Variants in GRID1 observed in about 807,000 individuals in gnomAD.
GRID1 encodes the protein glutamate ionotropic receptor delta type subunit 1, also known as glutamate receptor ionotropic, delta-1.
Under a neutral mutation model 98.0 loss-of-function variants are expected in GRID1, and 28 were observed. That is an observed-to-expected ratio of 0.29 (90% CI 0.21 to 0.39). The LOEUF (loss-of-function observed/expected upper bound fraction) is 0.39. Among genes scored for constraint, GRID1 ranks in the 10% least tolerant of loss-of-function variants. The pLI is 1.00. For missense variants in GRID1, 1,111 were observed against 1,340.5 expected (o/e 0.83, Z 2.67); for synonymous variants, 553 against 538.5 (o/e 1.03, Z -0.37).
chr10:85,879,683 T>C (rs1481109321), intron 5 of GRID1, among the ~76,000 whole-genome samples: 1 of 151,904 alleles, frequency 6.6e-6, no homozygotes, highest in Admixed American at 6.6e-5. Flanking sequence ...AGATCCAAAA[T>C]TGACACCCTA....
intron 12 of GRID1, among the ~76,000 whole-genome samples, chr10:85,700,439 G>T (rs911917944): frequency 6.6e-6 from 1 of 152,092 alleles, no homozygotes; most frequent in African/African-American, 2.4e-5. Flanking sequence ...GAGCCTCTGG[G>T]CCAAATATGA....
intron 12 of GRID1, among the ~76,000 whole-genome samples, chr10:85,699,498 A>G (rs2132620514): frequency 6.6e-6 from 1 of 152,316 alleles, no homozygotes; most frequent in South Asian, 2.1e-4. Flanking sequence ...AAATTTTAAT[A>G]AATTCCAACT....
chr10:86,105,609 G>C (rs747104557), intron 4 of GRID1, among the ~76,000 whole-genome samples: 53 of 152,262 alleles, frequency 3.5e-4, no homozygotes, highest in East Asian at 1.9e-4. Flanking sequence ...GCAGTGTCCG[G>C]GGCACACGGA....
chr10:85,714,509 A>G (rs975203992), intron 12 of GRID1, among the ~76,000 whole-genome samples: 8 of 152,116 alleles, frequency 5.3e-5, no homozygotes, highest in Admixed American at 5.2e-4. Context: ...CCTTGACCTC[A>G]CCAAACAAAT....
intron 3 of GRID1, among the ~76,000 whole-genome samples, chr10:86,169,534 C>T (rs1845451870): frequency 6.6e-6 from 1 of 152,144 alleles, no homozygotes; most frequent in Non-Finnish European, 1.5e-5. Flanking sequence ...AGGGATGCTG[C>T]CAAGGAGAAA....
chr10:86,004,727 T>TACAAACACACACTC (rs1554845793), intron 4 of GRID1, among the ~76,000 whole-genome samples: 1 of 76,726 alleles, frequency 1.3e-5, no homozygotes. Context: ...TCTCTCTTTC[T>TACAAACACACACTC]ACACACACAC....
intron 2 of GRID1, among the ~76,000 whole-genome samples, chr10:86,247,259 A>AGATG (rs71016126): frequency 0.63 from 88,226 of 139,330 alleles, 28,373 homozygotes; most frequent in Non-Finnish European, 0.69. Flanking sequence ...ATGGATGGAT[A>AGATG]GATGGATGGA....
At position 85,886,557 on chromosome 10, in the gene GRID1, T is replaced by C. The variant is rs143927845; in HGVS notation, c.781-17377A>G. On this transcript the variant is annotated intron_variant, in intron 5 of 15. Coordinates refer to ENST00000327946, the MANE Select transcript of GRID1 (RefSeq NM_017551.3). ...GATCTCAAATATGGCAAAATTTCAATGATGGACATGTGGGTGTTTGTTATA... is the reference window on the plus strand; with the variant it reads ...GATCTCAAATATGGCAAAATTTCAACGATGGACATGTGGGTGTTTGTTATA... Among the ~76,000 whole-genome samples the C allele has an allele frequency of 4.2e-3, 642 of 152,312 alleles. 7 individuals carry two copies. Among genetic ancestry groups the C allele is most frequent in the African/African-American group, 0.014 (567 of 41,568 alleles).
chr10:85,695,941 C>T (rs1841388454), intron 12 of GRID1, among the ~76,000 whole-genome samples: 1 of 152,066 alleles, frequency 6.6e-6, no homozygotes, highest in Non-Finnish European at 1.5e-5. Context: ...TGTCACCTCC[C>T]AAGGGTGTTT....
chr10:86,200,878 A>C (rs1277657024), intron 3 of GRID1, among the ~76,000 whole-genome samples: 1 of 152,188 alleles, frequency 6.6e-6, no homozygotes, highest in African/African-American at 2.4e-5. Flanking sequence ...ATCAAAATAA[A>C]ATTACATTTT....
chr10:86,046,397 C>G (rs879620600), intron 4 of GRID1, among the ~76,000 whole-genome samples: 2 of 152,192 alleles, frequency 1.3e-5, no homozygotes, highest in Non-Finnish European at 1.5e-5. Flanking sequence ...ACCCTACCAC[C>G]AGCTCGCCCT....
At position 85,610,346 on chromosome 10, in the gene GRID1, A is replaced by C. The variant is rs115894835; in HGVS notation, c.2601+3061T>G. 2.3e-3 allele frequency among the ~76,000 whole-genome samples: 345 copies of C among 152,254 alleles called. 2 individuals carry two copies. The highest frequency in any genetic ancestry group is 8.1e-3 in the African/African-American group (335 of 41,558). On this transcript the variant is annotated intron_variant, in intron 15 of 15. Transcript: ENST00000327946. ...TCAGTCTGGCATTTAAGTCCTTCGGAGCAGGCCCCGTATCCTTCCCCAGCC... is the reference window on the plus strand; with the variant it reads ...TCAGTCTGGCATTTAAGTCCTTCGGCGCAGGCCCCGTATCCTTCCCCAGCC...
At chr10:85,866,532 C>T (rs918715586) in intron 6 of GRID1, among the ~76,000 whole-genome samples, 1 of 151,842 alleles carries the variant, frequency 6.6e-6, no homozygotes, top group Non-Finnish European at 1.5e-5. Flanking sequence ...ATCTGAAATA[C>T]CCCAATGGGC....
At chr10:85,881,820 C>T (rs1447103638) in intron 5 of GRID1, among the ~76,000 whole-genome samples, 1 of 152,040 alleles carries the variant, frequency 6.6e-6, no homozygotes, top group Admixed American at 6.6e-5. Context: ...AACAAACTAC[C>T]ATCAGAGTGA....
intron 13 of GRID1, among the ~76,000 whole-genome samples, chr10:85,637,918 T>A (rs1451618652): frequency 1.3e-5 from 2 of 152,180 alleles, no homozygotes; most frequent in Non-Finnish European, 2.9e-5. Flanking sequence ...GACAAAAAGA[T>A]TAAGTCTGGG....
At chr10:86,209,887 C>T (rs561626343) in intron 2 of GRID1, among the ~76,000 whole-genome samples, 43 of 152,164 alleles carry the variant, frequency 2.8e-4, no homozygotes, top group Non-Finnish European at 5.3e-4. Flanking sequence ...GTGGCAGAAC[C>T]TCTCTGAGCC....
At position 85,640,119 on chromosome 10, in the gene GRID1, C is replaced by A. The variant is rs1202145035; in HGVS notation, c.2193+7083G>T. 2.0e-5 allele frequency among the ~76,000 whole-genome samples: 3 copies of A among 152,204 alleles called. No individual in the cohort carries two copies. In the East Asian group the frequency reaches 5.8e-4, roughly 29 times the overall value. ...ACATTTAAACACACATTTTCTAACT[C>A]CTAAAAGGAAGATGCTACTCAAACT... On this transcript the variant is annotated intron_variant, in intron 13 of 15. Transcript: ENST00000327946.
intron 12 of GRID1, among the ~76,000 whole-genome samples, chr10:85,670,094 A>T (rs1021928866): frequency 9.2e-5 from 14 of 152,256 alleles, no homozygotes; most frequent in Admixed American, 5.9e-4. Context: ...TTTCAAAAAT[A>T]GTTCATTAAT....
intron 8 of GRID1, among the ~76,000 whole-genome samples, chr10:85,746,564 C>T (rs1402829216): frequency 2.0e-5 from 3 of 152,048 alleles, no homozygotes; most frequent in Non-Finnish European, 4.4e-5. Context: ...CACTTATGAC[C>T]GTTGCACTGG....
Sources: allele counts gnomAD v4.1 joint callset (sites outside exome capture counted in the v4.1 genomes callset), GRCh38; gene constraint gnomAD v4.1.1; transcripts MANE v1.5; gene names NCBI Gene and HGNC (gene_info 2026-07-23, HGNC 2026-07-21).